Variants in JAK1 observed in about 807,000 individuals in gnomAD.
JAK1 encodes Janus kinase 1.
Under a neutral mutation model 136.6 loss-of-function variants are expected in JAK1, and 16 were observed. That is an observed-to-expected ratio of 0.12 (90% confidence interval 0.08 to 0.18). The LOEUF is 0.18. Among genes scored for constraint, JAK1 ranks in the 10% least tolerant of loss-of-function variants. JAK1 has a pLI of 1.00. For missense variants in JAK1, 859 were observed against 1,450.1 expected, an observed-to-expected ratio of 0.59 and a Z score of 6.62; for synonymous variants, 492 against 519.5, an observed-to-expected ratio of 0.95 and a Z score of 0.72.
intron 1 of JAK1, among the ~76,000 whole-genome samples, chr1:64,908,479 C>T (rs371826811): frequency 7.9e-5 from 12 of 152,026 alleles, no homozygotes; most frequent in East Asian, 1.9e-4. Flanking sequence ...AGTTTTACTA[C>T]GTAGATTGAA....
chr1:64,836,286 G>C, intron 22 of JAK1, 71 bp from the exon 23 acceptor site: 1 of 854,178 alleles, frequency 1.2e-6, no homozygotes, highest in Non-Finnish European at 2.0e-6. Flanking sequence ...CAGGATAACT[G>C]AAAAATCACC....
intron 2 of JAK1, among the ~76,000 whole-genome samples, chr1:64,997,955 T>C (rs1278876682): frequency 6.6e-6 from 1 of 152,062 alleles, no homozygotes; most frequent in African/African-American, 2.4e-5. Context: ...AGCCTGTAAA[T>C]ATGGTGAAGA....
At chr1:64,879,224 G>A in intron 3 of JAK1, 76 bp from the exon 4 acceptor site, 1 of 1,533,776 alleles carries the variant, frequency 6.5e-7, no homozygotes, top group East Asian at 2.3e-5. Context: ...CCCAATATAT[G>A]CAAAGATAAG....
intron 2 of JAK1, among the ~76,000 whole-genome samples, chr1:65,041,424 T>A (rs1647131617): frequency 6.6e-6 from 1 of 152,210 alleles, no homozygotes; most frequent in Non-Finnish European, 1.5e-5. Flanking sequence ...CAGTACCCCG[T>A]AAGCACTGGA....
chr1:64,988,304 G>A (rs1043735431), intron 2 of JAK1, among the ~76,000 whole-genome samples: 5 of 152,168 alleles, frequency 3.3e-5, no homozygotes, highest in African/African-American at 9.7e-5. Context: ...ATGAGAAATT[G>A]AAGTTTAGAG....
intron 1 of JAK1, among the ~76,000 whole-genome samples, chr1:64,913,460 G>A (rs1410414597): frequency 6.6e-6 from 1 of 152,002 alleles, no homozygotes; most frequent in Non-Finnish European, 1.5e-5. Context: ...CCTACAATGT[G>A]CCAGCCTCTG....
chr1:64,885,949 T>C (rs1218591588), intron 2 of JAK1, among the ~76,000 whole-genome samples: 1 of 152,228 alleles, frequency 6.6e-6, no homozygotes, highest in Non-Finnish European at 1.5e-5. Flanking sequence ...ATCATGCATA[T>C]GCACAACATG....
chr1:65,046,026 G>A (rs147203814), intron 1 of JAK1, among the ~76,000 whole-genome samples: 58 of 152,322 alleles, frequency 3.8e-4, no homozygotes, highest in Non-Finnish European at 5.9e-4. Flanking sequence ...TGTATGTAAA[G>A]TGTCTAGGAC....
intron 1 of JAK1, among the ~76,000 whole-genome samples, chr1:64,895,871 G>A (rs1645006435): frequency 6.6e-6 from 1 of 152,182 alleles, no homozygotes; most frequent in Non-Finnish European, 1.5e-5. Context: ...ATCTAGGGAT[G>A]CTTCGTACAA....
intron 2 of JAK1, among the ~76,000 whole-genome samples, chr1:64,983,549 C>T (rs766552561): frequency 3.9e-5 from 6 of 152,154 alleles, no homozygotes; most frequent in African/African-American, 9.7e-5. Flanking sequence ...GGAGAAATGA[C>T]GAACCTCTAC....
At chr1:64,922,325 G>A (rs781505699) in intron 1 of JAK1, among the ~76,000 whole-genome samples, 26 of 152,130 alleles carry the variant, frequency 1.7e-4, no homozygotes, top group Non-Finnish European at 3.5e-4. Context: ...TGGAGGTAGA[G>A]AGATGCATTC....
At chr1:64,926,227 A>G (rs916510675) in intron 1 of JAK1, among the ~76,000 whole-genome samples, 2 of 151,984 alleles carry the variant, frequency 1.3e-5, no homozygotes, top group Non-Finnish European at 2.9e-5. Flanking sequence ...GGCCAGTGCT[A>G]TTGTCTCCAG....
chr1:64,921,925 T>C (rs1322864736), intron 1 of JAK1, among the ~76,000 whole-genome samples: 2 of 151,876 alleles, frequency 1.3e-5, no homozygotes, highest in East Asian at 3.9e-4. Flanking sequence ...TAGCATGACT[T>C]CAGTCAACAA....
At chr1:64,939,496 CTG>C (rs1438154607) in intron 1 of JAK1, among the ~76,000 whole-genome samples, 1 of 152,146 alleles carries the variant, frequency 6.6e-6, no homozygotes. Flanking sequence ...TGCATGAACT[CTG>C]AAGTCAGAAA....
upstream of JAK1, among the ~76,000 whole-genome samples, chr1:64,969,590 C>T (rs945001406): frequency 3.3e-5 from 5 of 152,132 alleles, 1 homozygote; most frequent in Admixed American, 3.3e-4. Flanking sequence ...CTGCAAGCTG[C>T]GAGAGATGAC....
At chr1:65,000,705 C>T (rs887486186) in intron 2 of JAK1, among the ~76,000 whole-genome samples, 3 of 151,614 alleles carry the variant, frequency 2.0e-5, no homozygotes, top group Non-Finnish European at 2.9e-5. Context: ...GCATTGTGTT[C>T]GATGTGATTA....
chr1:64,861,858 C>T (rs950089931), intron 8 of JAK1, among the ~76,000 whole-genome samples: 5 of 152,172 alleles, frequency 3.3e-5, no homozygotes, highest in African/African-American at 1.2e-4. Flanking sequence ...ACCAGGCACC[C>T]ACCTGCGGAT....
intron 2 of JAK1, among the ~76,000 whole-genome samples, chr1:64,979,177 C>T (rs1646522062): frequency 6.6e-6 from 1 of 152,158 alleles, no homozygotes; most frequent in African/African-American, 2.4e-5. Context: ...AGGAGGATCA[C>T]TTGAGGAGTT....
At chr1:64,863,978 G>C (rs1656529974) in intron 8 of JAK1, among the ~76,000 whole-genome samples, 1 of 152,176 alleles carries the variant, frequency 6.6e-6, no homozygotes, top group Non-Finnish European at 1.5e-5. Context: ...CTTTTAACAG[G>C]TTACCAAACT....
Sources: gnomAD v4.1 joint callset for allele counts (sites outside exome capture counted in the v4.1 genomes callset) on GRCh38, gnomAD v4.1.1 for gene constraint, MANE v1.5 for transcripts, NCBI Gene and HGNC (gene_info 2026-07-23, HGNC 2026-07-21) for gene names.